The following ZNF225 variants were observed in gnomAD, a reference collection of about 807,000 sequenced individuals.
ZNF225 encodes zinc finger protein 225.
Under a neutral mutation model 12.0 loss-of-function variants are expected in ZNF225, and 6 were observed. That is an observed-to-expected ratio of 0.50 (90% CI 0.27 to 0.98). ZNF225 has a LOEUF of 0.98. ZNF225 is among the 50% of genes least tolerant of loss of function. The pLI is 0.11. For synonymous variants in ZNF225, 271 were observed against 283.2 expected (o/e 0.96, Z 0.43); for missense variants, 763 against 848.2 (o/e 0.90, Z 1.25).
Position 44,124,430 on chromosome 19 carries a change from T to C in ZNF225, c.235+5856T>C, listed in dbSNP as rs532880869. 7.2e-5 allele frequency among the ~76,000 whole-genome samples: 11 copies of C among 152,366 alleles called. No homozygotes were observed. The South Asian group carries it at 2.3e-3, about 32-fold the overall frequency. ...ATTAATTGAGGCTCGTTTTATGGCC[T>C]ATCATATGGTCTCTCTTGGAGAAAG... is the stretch of plus-strand genomic sequence containing the variant. On this transcript the variant is annotated intron_variant, in intron 4 of 4. Transcript: ENST00000262894.
In ZNF225 at chr19:44,134,231, T is replaced by C. The variant is rs1968345263; in HGVS notation, c.*1496T>C. 1 of 152,200 alleles carries C rather than the reference T, an allele frequency of 6.6e-6. No individual in the cohort carries two copies. The highest frequency in any genetic ancestry group is 1.5e-5 in the Non-Finnish European group (1 of 68,034). The allele number at this position is 152,200 out of a possible 1,614,324, so 9.4% of individuals were successfully genotyped here. The stretch of plus-strand genomic sequence containing the variant: ...CTCCAGTATTGAATTGTGACTGTAC[T>C]TGTGAAATGTCTACAATGGAAATTA... On this transcript the variant is annotated 3_prime_UTR_variant, in exon 5 of 5. Coordinates refer to ENST00000262894, the MANE Select transcript of ZNF225 (RefSeq NM_013362.4).
upstream of ZNF225, chr19:44,112,298 G>GTATC (rs1568535353): frequency 1.3e-5 from 2 of 152,154 alleles, no homozygotes; most frequent in Admixed American, 6.6e-5. Context: ...ACAACTGCTG[G>GTATC]TATCTATGTC....
upstream of ZNF225, chr19:44,112,235 C>G (rs1251525462): frequency 6.6e-6 from 1 of 152,108 alleles, no homozygotes; most frequent in Admixed American, 6.5e-5. Flanking sequence ...TTACTGTGCA[C>G]GTGGCTGACA....
chr19:44,128,969 C>G (rs1968196624), intron 4 of ZNF225: 2 of 998,420 alleles, frequency 2.0e-6, no homozygotes, highest in East Asian at 3.3e-5. Context: ...CTTAGGCGTT[C>G]TTTTCATCCC....
intron 4 of ZNF225, among the ~76,000 whole-genome samples, chr19:44,123,366 T>G (rs1187527186): frequency 6.6e-6 from 1 of 152,190 alleles, no homozygotes; most frequent in African/African-American, 2.4e-5. Context: ...TGGATTATCT[T>G]TTTGATATGT....
chr19:44,113,528 G>A lies in ZNF225; in HGVS notation c.-110G>A, dbSNP rs1203532565. 6.6e-6 allele frequency: 1 copy of A among 152,208 alleles called. No individual in the cohort carries two copies. The highest frequency in any genetic ancestry group is 2.4e-5 in the African/African-American group (1 of 41,420). 9.4% of individuals were successfully genotyped at this position (152,208 alleles called of 1,614,324 possible). A position where few individuals can be genotyped will look rare whatever the true frequency, so the allele number is the denominator to read the frequency against. On this transcript the variant is annotated 5_prime_UTR_variant, in exon 1 of 5. In the 5' UTR this introduces an upstream ATG that the reference lacks. Transcript: ENST00000262894. ...TACGCATTGGATCCTTAACGAACTG[G>A]TGATCGAATTAGGGGAAAAGAAACC... is the stretch of plus-strand genomic sequence containing the variant.
intron 4 of ZNF225, among the ~76,000 whole-genome samples, chr19:44,125,478 G>C (rs866618598): frequency 6.6e-6 from 1 of 152,016 alleles, no homozygotes; most frequent in Non-Finnish European, 1.5e-5. Context: ...TCTTTCCTTC[G>C]TCTTAACTTT....
chr19:44,120,653 T>C (rs1362449981), intron 4 of ZNF225, among the ~76,000 whole-genome samples: 2 of 152,230 alleles, frequency 1.3e-5, no homozygotes, highest in African/African-American at 2.4e-5. Context: ...AGTGTTCTTT[T>C]TATGGCCACA....
intron 4 of ZNF225, chr19:44,128,978 C>A: frequency 9.3e-7 from 1 of 1,076,932 alleles, no homozygotes. Flanking sequence ...TCTTTTCATC[C>A]CAGGTGATCT....
rs188127154 is a variant in ZNF225 at position 44,130,996 on chromosome 19, G to C, written c.382G>C (p.Asp128His). The change falls in exon 5 of 5, where the codon GAT becomes CAT. Residue 128 changes from aspartate to histidine, a missense_variant. Transcript: ENST00000262894. ...MVNSFQFSKQ[D>H]DMPCQVDAGL... is the part of the protein sequence containing the mutation. Reference sequence around the variant, plus strand: ...AAACAGCTTTCAGTTCTCCAAACAAGATGATATGCCCTGCCAGGTTGATGC... The same window carrying C: ...AAACAGCTTTCAGTTCTCCAAACAACATGATATGCCCTGCCAGGTTGATGC... 1.2e-6 allele frequency: 2 copies of C among 1,614,004 alleles called. No homozygotes were observed. Among genetic ancestry groups the C allele is most frequent in the Admixed American group, 3.3e-5 (2 of 60,020 alleles).
At chr19:44,119,878 A>C (rs142455967) in intron 4 of ZNF225, among the ~76,000 whole-genome samples, 40 of 152,262 alleles carry the variant, frequency 2.6e-4, no homozygotes, top group African/African-American at 9.4e-4. Flanking sequence ...AGCATATTCA[A>C]GTCTCTGTTC....
In ZNF225 at chr19:44,131,353, CT is replaced by C. The variant is rs1249774365; in HGVS notation, c.742del (p.Tyr248MetfsTer10). 6.2e-7 allele frequency: 1 copy of C among 1,614,032 alleles called. No homozygotes were observed. Among genetic ancestry groups the C allele is most frequent in the African/African-American group, 1.3e-5 (1 of 74,912 alleles). On this transcript the variant is annotated frameshift_variant, in exon 5 of 5. Transcript: ENST00000262894. LOFTEE classifies it low-confidence loss of function (END_TRUNC). ...CGKGFSRRSG[L>X]YVHRKLHTGV... ...GAAAGGCTTTAGTCGTAGATCAGGA[CT>C]TTATGTTCATCGTAAATTACACACA...
intron 2 of ZNF225, among the ~76,000 whole-genome samples, chr19:44,116,095 C>A (rs1440738195): frequency 6.6e-6 from 1 of 152,176 alleles, no homozygotes; most frequent in African/African-American, 2.4e-5. Context: ...CTCCTGACCT[C>A]AGGTGATCTG....
Position 44,131,964 on chromosome 19 carries a change from C to G in ZNF225, c.1350C>G (p.His450Gln). The change falls in exon 5 of 5, where the codon CAC (histidine) becomes CAG (glutamine). Residue 450 changes from histidine to glutamine, a missense_variant. Physicochemically the swap from His to Gln is conservative, Grantham distance 24 (BLOSUM62 0). Transcript: ENST00000262894. Reference sequence around the variant, plus strand: ...ATCTTGACTTTCATCAGAGGGTCCACAGAGGAGAGAAACCCTATAATTGTA... The same window carrying G: ...ATCTTGACTTTCATCAGAGGGTCCAGAGAGGAGAGAAACCCTATAATTGTA... ...RLDLDFHQRV[H>Q]RGEKPYNCKE... is the part of the protein sequence containing the mutation. The G allele has an allele frequency of 6.2e-7, 1 of 1,613,868 alleles. No homozygotes were observed. The highest frequency in any genetic ancestry group is 8.5e-7 in the Non-Finnish European group (1 of 1,179,974).
At chr19:44,125,287 A>AT (rs539456469) in intron 4 of ZNF225, among the ~76,000 whole-genome samples, 130 of 152,162 alleles carry the variant, frequency 8.5e-4, no homozygotes, top group Non-Finnish European at 1.5e-3. Context: ...TTCCATTCAT[A>AT]TATGATGCTT....
intron 4 of ZNF225, among the ~76,000 whole-genome samples, chr19:44,121,383 T>G (rs1968053675): frequency 6.6e-6 from 1 of 152,248 alleles, no homozygotes; most frequent in Non-Finnish European, 1.5e-5. Context: ...GTTTTCTTTA[T>G]TCACTCGTTG....
chr19:44,125,608 C>T (rs1219253446), intron 4 of ZNF225, among the ~76,000 whole-genome samples: 3 of 152,194 alleles, frequency 2.0e-5, no homozygotes, highest in Admixed American at 6.5e-5. Flanking sequence ...AAGTTTTCCT[C>T]GATTATTTCC....
At chr19:44,128,188 G>C in intron 4 of ZNF225, among the ~76,000 whole-genome samples, 1 of 152,108 alleles carries the variant, frequency 6.6e-6, no homozygotes, top group Non-Finnish European at 1.5e-5. Flanking sequence ...TGAGGATAAG[G>C]GTGACACAAG....
chr19:44,132,384 T>C lies in ZNF225; in HGVS notation c.1770T>C (p.His590=). Residue 590 remains histidine, a synonymous_variant, in exon 5 of 5, where the codon CAT becomes CAC. Transcript: ENST00000262894. The part of the protein sequence containing the change: ...ASSILNHKRL[H]GDEKPFKCEE... The stretch of plus-strand genomic sequence containing the variant: ...GTATTTTGAATCATAAGAGACTCCA[T>C]GGTGATGAAAAGCCATTCAAATGTG... The C allele has an allele frequency of 6.2e-7, 1 of 1,613,330 alleles. No individual in the cohort carries two copies. The highest frequency in any genetic ancestry group is 1.1e-5 in the South Asian group (1 of 91,028).
Sources: allele counts gnomAD v4.1 joint callset (sites outside exome capture counted in the v4.1 genomes callset), GRCh38; gene constraint gnomAD v4.1.1; transcripts MANE v1.5; gene names NCBI Gene and HGNC (gene_info 2026-07-23, HGNC 2026-07-21).